NFE2L2: variants seen among roughly 807,000 people sequenced by gnomAD.
NFE2L2 encodes the protein NFE2 like bZIP transcription factor 2.
NFE2L2 carries 20 observed loss-of-function variants against 49.6 expected under a neutral mutation model. That is an observed-to-expected ratio of 0.40 (90% CI 0.28 to 0.59). The LOEUF (loss-of-function observed/expected upper bound fraction) is 0.59. Among genes scored for constraint, NFE2L2 ranks in the 20% least tolerant of loss-of-function variants. The probability of loss-of-function intolerance (pLI) is 0.40; values close to 1 mark genes in which losing one functional copy is unlikely to be tolerated. For missense variants in NFE2L2, 578 were observed against 714.2 expected (o/e 0.81, Z 2.17); for synonymous variants, 244 against 256.5 (o/e 0.95, Z 0.47).
intron 1 of NFE2L2, among the ~76,000 whole-genome samples, chr2:177,249,580 A>G (rs1286622555): frequency 6.6e-6 from 1 of 152,234 alleles, no homozygotes; most frequent in Non-Finnish European, 1.5e-5. Context: ...CCACATGGGT[A>G]ATTTTAAATT....
At chr2:177,255,153 G>T (rs747328484) in intron 1 of NFE2L2, among the ~76,000 whole-genome samples, 3 of 152,254 alleles carry the variant, frequency 2.0e-5, no homozygotes, top group Non-Finnish European at 4.4e-5. Flanking sequence ...AAGGGAGGGA[G>T]ATGAATGAGC....
chr2:177,233,863 A>G, intron 2 of NFE2L2, 142 bp downstream of exon 2: 1 of 1,093,768 alleles, frequency 9.1e-7, no homozygotes, highest in Non-Finnish European at 1.3e-6. Flanking sequence ...TGAACTCATC[A>G]GGAGGCTGAG....
chr2:177,252,645 A>AC (rs1335956579), intron 1 of NFE2L2, among the ~76,000 whole-genome samples: 1 of 66,542 alleles, frequency 1.5e-5, no homozygotes, highest in Non-Finnish European at 3.0e-5. Flanking sequence ...CAGTGACCAC[A>AC]CTGGTGGATG....
intron 1 of NFE2L2, among the ~76,000 whole-genome samples, chr2:177,250,750 C>T (rs1690309244): frequency 1.3e-5 from 2 of 152,244 alleles, no homozygotes; most frequent in African/African-American, 2.4e-5. Context: ...GGAGGCTGCA[C>T]AGTGCGATGT....
chr2:177,243,348 AG>A (rs1690006176), intron 1 of NFE2L2, among the ~76,000 whole-genome samples: 1 of 152,164 alleles, frequency 6.6e-6, no homozygotes, highest in Admixed American at 6.5e-5. Context: ...TCATCCTCCA[AG>A]GAAGTCCCCC....
chr2:177,260,800 A>G (rs55940464), intron 1 of NFE2L2, among the ~76,000 whole-genome samples: 41,908 of 136,024 alleles, frequency 0.31, 6,484 homozygotes, highest in Non-Finnish European at 0.4. Flanking sequence ...TTTAATTAAG[A>G]AAAAAGGCAG....
At chr2:177,263,434 T>TA (rs1449406037) in intron 1 of NFE2L2, 3 of 985,492 alleles carry the variant, frequency 3.0e-6, no homozygotes, top group East Asian at 2.3e-4. Flanking sequence ...TATCCCGTCT[T>TA]ACACATTTTG....
chr2:177,232,610 G>A (rs1254568891), intron 3 of NFE2L2, 27 bp from the exon 4 acceptor site: 5 of 1,607,634 alleles, frequency 3.1e-6, no homozygotes, highest in East Asian at 4.5e-5. Flanking sequence ...ATTGATTTAT[G>A]AGTCTTCCAC....
At chr2:177,248,624 G>C (rs1690217904) in intron 1 of NFE2L2, among the ~76,000 whole-genome samples, 1 of 152,188 alleles carries the variant, frequency 6.6e-6, no homozygotes, top group South Asian at 2.1e-4. Flanking sequence ...GGTCAGGCTG[G>C]TCTCGATCTC....
intron 1 of NFE2L2, among the ~76,000 whole-genome samples, chr2:177,241,330 G>A (rs1689931056): frequency 6.6e-6 from 1 of 152,066 alleles, no homozygotes; most frequent in South Asian, 2.1e-4. Flanking sequence ...AGTTACACTT[G>A]ATTATATTTT....
At chr2:177,232,223 A>G in intron 4 of NFE2L2, 169 bp downstream of exon 4, 1 of 905,238 alleles carries the variant, frequency 1.1e-6, no homozygotes, top group South Asian at 1.9e-5. Context: ...GGTTTATAAC[A>G]TTCTATCCTC....
intron 1 of NFE2L2, among the ~76,000 whole-genome samples, chr2:177,260,969 G>A (rs1196466978): frequency 6.6e-6 from 1 of 151,868 alleles, no homozygotes; most frequent in Non-Finnish European, 1.5e-5. Flanking sequence ...TCAGGAGTTC[G>A]AGACCAGCCC....
At chr2:177,262,751 G>C (rs936481643) in intron 1 of NFE2L2, among the ~76,000 whole-genome samples, 1 of 152,180 alleles carries the variant, frequency 6.6e-6, no homozygotes, top group African/African-American at 2.4e-5. Flanking sequence ...ATAATAGAGG[G>C]CTGTAGACAA....
At position 177,255,309 on chromosome 2, in the gene NFE2L2, C is replaced by A. The variant is rs73031369; in HGVS notation, c.45+9223G>T. On this transcript the variant is annotated intron_variant, in intron 1 of 4. Transcript: ENST00000397062. ...TTCCTGATCCTCCCACCAAGGGTGG[C>A]CCCTGGATCACAGTTTGGAAGTCAC... is the stretch of plus-strand genomic sequence containing the variant. Among the ~76,000 whole-genome samples the A allele has an allele frequency of 6.0e-3, 913 of 152,280 alleles. 10 individuals carry two copies. The highest frequency in any genetic ancestry group is 0.021 in the African/African-American group (870 of 41,544).
chr2:177,246,775 T>TG (rs1248543395), intron 1 of NFE2L2, among the ~76,000 whole-genome samples: 1 of 2,178 alleles, frequency 4.6e-4, no homozygotes, highest in Non-Finnish European at 1.5e-3. Context: ...AATATTTTAC[T>TG]TTTTTTTTTT....
chr2:177,262,743 AAT>A (rs201655804), intron 1 of NFE2L2, among the ~76,000 whole-genome samples: 262 of 142,718 alleles, frequency 1.8e-3, no homozygotes, highest in African/African-American at 6.6e-3. Context: ...ATTCAAAAAT[AAT>A]AGAGGGCTGT....
chr2:177,238,958 A>G (rs1316846010), intron 1 of NFE2L2, among the ~76,000 whole-genome samples: 1 of 152,202 alleles, frequency 6.6e-6, no homozygotes, highest in Non-Finnish European at 1.5e-5. Flanking sequence ...GCCCATATAC[A>G]TTTGCATACA....
chr2:177,263,852 C>T, intron 1 of NFE2L2: 1 of 985,522 alleles, frequency 1.0e-6, no homozygotes. Flanking sequence ...GCCCGCTGGG[C>T]ACTTAAGGCG....
At position 177,231,241 on chromosome 2, in the gene NFE2L2, G is replaced by A. The variant is rs2105451926; in HGVS notation, c.1362C>T (p.Leu454=). The change falls in exon 5 of 5, where the codon CTC becomes CTT. Residue 454 remains leucine, a synonymous_variant. Coordinates refer to ENST00000397062, the MANE Select transcript of NFE2L2 (RefSeq NM_006164.5). The stretch of plus-strand genomic sequence containing the variant: ...CTTTTGCCCTAAGTTCATCTCTTGT[G>A]AGATGAGCCTCCAAGCGGCTTGAAT... The part of the protein sequence containing the change: ...DKHSSRLEAH[L]TRDELRAKAL... 6.2e-7 allele frequency: 1 copy of A among 1,614,244 alleles called. No homozygotes were observed. Among genetic ancestry groups the A allele is most frequent in the South Asian group, 1.1e-5 (1 of 91,088 alleles).
Sources: allele counts gnomAD v4.1 joint callset (sites outside exome capture counted in the v4.1 genomes callset), GRCh38; gene constraint gnomAD v4.1.1; transcripts MANE v1.5; gene names NCBI Gene and HGNC (gene_info 2026-07-23, HGNC 2026-07-21).